KDM4C: variants seen among roughly 807,000 people sequenced by gnomAD.
KDM4C encodes the protein lysine demethylase 4C.
In KDM4C, 81 loss-of-function variants were observed where a neutral mutation model predicts 129.3. The ratio of observed to expected loss-of-function variants is 0.63; its 90% CI spans 0.52 to 0.75. The LOEUF (loss-of-function observed/expected upper bound fraction) is 0.75. Among genes scored for constraint, KDM4C ranks in the 30% least tolerant of loss-of-function variants. KDM4C has a pLI of 0.00. For missense variants in KDM4C, 1,457 were observed against 1,304.0 expected, an observed-to-expected ratio of 1.12 and a Z score of -1.81; for synonymous variants, 573 against 456.1, an observed-to-expected ratio of 1.26 and a Z score of -3.26.
rs575079407 is a variant in KDM4C at position 7,014,163 on chromosome 9, G to C, written c.2182+162G>C. ...TTTCTGCTGGTAAAAGTATGAGTTG[G>C]TATATTCATCCTTTTTTCACCACTT... On this transcript the variant is annotated intron_variant, in intron 14 of 21. Transcript: ENST00000381309. 3 of 601,958 alleles carry C rather than the reference G, an allele frequency of 5.0e-6. No homozygotes were observed. In the South Asian group the frequency reaches 7.1e-5, roughly 14 times the overall value. The allele number at this position is 601,958 out of a possible 1,614,324, so 37.3% of individuals were successfully genotyped here.
chr9:6,721,120 C>G (rs564144261), intron 1 of KDM4C: 5 of 860,910 alleles, frequency 5.8e-6, no homozygotes, highest in African/African-American at 3.4e-5. Flanking sequence ...GTTGCCCAGG[C>G]TAGAGGGCAG....
At chr9:7,126,092 G>A (rs80144315) in intron 18 of KDM4C, among the ~76,000 whole-genome samples, 2,242 of 152,274 alleles carry the variant, frequency 0.015, 49 homozygotes, top group African/African-American at 0.051. Flanking sequence ...TCACTCTGCA[G>A]AGTATTTCTG....
intron 17 of KDM4C, among the ~76,000 whole-genome samples, chr9:7,088,129 C>T (rs1835358161): frequency 6.6e-6 from 1 of 152,204 alleles, no homozygotes; most frequent in Non-Finnish European, 1.5e-5. Context: ...TGCAACCAAT[C>T]CTGAGAGCAG....
At chr9:6,849,057 G>C (rs1838364745) in intron 4 of KDM4C, among the ~76,000 whole-genome samples, 1 of 152,154 alleles carries the variant, frequency 6.6e-6, no homozygotes, top group Non-Finnish European at 1.5e-5. Context: ...TTGGTTTCTT[G>C]ATGTGATATG....
intron 8 of KDM4C, chr9:6,942,412 A>G (rs1267194225): frequency 9.3e-6 from 1 of 107,606 alleles, no homozygotes; most frequent in Non-Finnish European, 1.9e-5. Flanking sequence ...TCTTTTTTCT[A>G]TTTTTTCTAT....
intron 8 of KDM4C, among the ~76,000 whole-genome samples, chr9:6,972,525 G>T (rs1832177483): frequency 6.6e-6 from 1 of 152,110 alleles, no homozygotes; most frequent in Non-Finnish European, 1.5e-5. Context: ...ATCTGCTTAG[G>T]AAAATGCCAC....
At chr9:6,876,674 G>C (rs1843608618) in intron 5 of KDM4C, among the ~76,000 whole-genome samples, 1 of 152,178 alleles carries the variant, frequency 6.6e-6, no homozygotes, top group African/African-American at 2.4e-5. Flanking sequence ...TGTAGGGTTA[G>C]CAGGGGTGCT....
intron 17 of KDM4C, among the ~76,000 whole-genome samples, chr9:7,051,724 T>C (rs1224797054): frequency 1.3e-5 from 2 of 152,204 alleles, no homozygotes; most frequent in East Asian, 3.9e-4. Context: ...AACTCTAGAC[T>C]GTCCATTCTG....
chr9:6,829,970 A>T (rs1834541826), intron 4 of KDM4C, among the ~76,000 whole-genome samples: 1 of 152,176 alleles, frequency 6.6e-6, no homozygotes, highest in South Asian at 2.1e-4. Flanking sequence ...GAGTAGAAAG[A>T]TTCAAGTAAT....
chr9:6,811,918 T>A (rs929236453), intron 3 of KDM4C, among the ~76,000 whole-genome samples: 1 of 152,198 alleles, frequency 6.6e-6, no homozygotes, highest in African/African-American at 2.4e-5. Context: ...GTGGAATAGC[T>A]GTGATTGTCC....
intron 17 of KDM4C, among the ~76,000 whole-genome samples, chr9:7,097,908 C>T (rs746278537): frequency 3.9e-5 from 6 of 152,144 alleles, no homozygotes; most frequent in South Asian, 2.1e-4. Context: ...ATACATTATA[C>T]GCATTAAGGG....
intron 15 of KDM4C, 37 bp from the exon 16 acceptor site, chr9:7,046,825 G>A (rs1235790818): frequency 8.4e-6 from 12 of 1,421,782 alleles, no homozygotes; most frequent in South Asian, 3.5e-5. Context: ...TTGTTATGTG[G>A]GTCTGGTCAT....
intron 15 of KDM4C, among the ~76,000 whole-genome samples, chr9:7,030,015 C>T (rs1169257021): frequency 6.6e-6 from 1 of 151,860 alleles, no homozygotes; most frequent in Non-Finnish European, 1.5e-5. Flanking sequence ...AATACAGTAG[C>T]CAGTATACCT....
intron 17 of KDM4C, among the ~76,000 whole-genome samples, chr9:7,052,085 G>A (rs1830226573): frequency 6.6e-6 from 1 of 152,128 alleles, no homozygotes; most frequent in Non-Finnish European, 1.5e-5. Context: ...TATCTTGGTT[G>A]GAAGAACTGA....
At chr9:6,907,740 G>A (rs1383360644) in intron 8 of KDM4C, among the ~76,000 whole-genome samples, 1 of 152,158 alleles carries the variant, frequency 6.6e-6, no homozygotes, top group African/African-American at 2.4e-5. Context: ...AAGAAGTAAA[G>A]TGGAATTCTG....
chr9:7,080,966 T>C (rs1280590996), intron 17 of KDM4C, among the ~76,000 whole-genome samples: 1 of 152,200 alleles, frequency 6.6e-6, no homozygotes, highest in Non-Finnish European at 1.5e-5. Context: ...AGTGATTCAC[T>C]TGTGTAAATG....
chr9:6,914,678 A>G (rs1479513351), intron 8 of KDM4C, among the ~76,000 whole-genome samples: 1 of 152,218 alleles, frequency 6.6e-6, no homozygotes, highest in Non-Finnish European at 1.5e-5. Context: ...ATGATTAGGC[A>G]TTGAGGGCTC....
chr9:7,148,626 C>A (rs1448495997), intron 19 of KDM4C, among the ~76,000 whole-genome samples: 1 of 152,208 alleles, frequency 6.6e-6, no homozygotes. Context: ...TCACTCCCAC[C>A]ATTTGGCAGG....
chr9:7,135,329 A>T (rs776536401), intron 19 of KDM4C, among the ~76,000 whole-genome samples: 2 of 152,176 alleles, frequency 1.3e-5, no homozygotes, highest in African/African-American at 2.4e-5. Flanking sequence ...GGTGATTGGC[A>T]TTGGGAACTT....
Sources: gnomAD v4.1 joint callset for allele counts (sites outside exome capture counted in the v4.1 genomes callset) on GRCh38, gnomAD v4.1.1 for gene constraint, MANE v1.5 for transcripts, NCBI Gene and HGNC (gene_info 2026-07-23, HGNC 2026-07-21) for gene names.